The following RAPGEF1 variants were observed in gnomAD, a reference collection of about 807,000 sequenced individuals.
The protein encoded by RAPGEF1 is Rap guanine nucleotide exchange factor 1.
RAPGEF1 carries 33 observed loss-of-function variants against 143.3 expected under a neutral mutation model. That is an observed-to-expected ratio of 0.23 (90% CI 0.17 to 0.31). The LOEUF (loss-of-function observed/expected upper bound fraction) is 0.31, where lower values mean the gene tolerates loss of function less well. RAPGEF1 is among the 10% of genes least tolerant of loss of function. The pLI, the probability that RAPGEF1 is intolerant of heterozygous loss-of-function variation, is 1.00. For missense variants in RAPGEF1, 1,199 were observed against 1,645.4 expected (o/e 0.73, Z 4.69); for synonymous variants, 629 against 676.5 (o/e 0.93, Z 1.09).
At chr9:131,666,042 G>A (rs1216378347) in intron 1 of RAPGEF1, among the ~76,000 whole-genome samples, 2 of 152,206 alleles carry the variant, frequency 1.3e-5, no homozygotes, top group Non-Finnish European at 2.9e-5. Flanking sequence ...TAGCAAACAC[G>A]CAGATAAAAG....
chr9:131,726,400 G>A lies in RAPGEF1; in HGVS notation c.61+13370C>T, dbSNP rs140610722. Among the ~76,000 whole-genome samples, 18 of 152,200 alleles carry A rather than the reference G, an allele frequency of 1.2e-4. No homozygotes were observed. In the East Asian group the frequency reaches 3.5e-3, roughly 30 times the overall value. ...TCACCACTTTGGGAGGCTGAGGCGG[G>A]CAGATCACTTGAGGCCATGCATTCG... is the stretch of plus-strand genomic sequence containing the variant. On this transcript the variant is annotated intron_variant, in intron 1 of 26. Transcript: ENST00000683357.
chr9:131,712,209 T>G (rs1437057143), intron 1 of RAPGEF1, among the ~76,000 whole-genome samples: 1 of 152,106 alleles, frequency 6.6e-6, no homozygotes, highest in Non-Finnish European at 1.5e-5. Flanking sequence ...CAAACTGGAA[T>G]AAAGCACAGG....
intron 1 of RAPGEF1, among the ~76,000 whole-genome samples, chr9:131,730,617 C>T (rs1406664920): frequency 7.2e-6 from 1 of 137,976 alleles, no homozygotes; most frequent in Non-Finnish European, 1.5e-5. Context: ...ATTGCTTGAA[C>T]CTGGGAGGGG....
rs1951519414 is a variant in RAPGEF1, at chr9:131,579,436, T to C, written c.*61A>G. 3 of 1,583,482 alleles carry C rather than the reference T, an allele frequency of 1.9e-6. No individual in the cohort carries two copies. The highest frequency in any genetic ancestry group is 1.2e-5 in the South Asian group (1 of 86,826). ...TGCGCCTAACAGGTCCAAGGTCCTC[T>C]CCGGTCTGGGAGCTGCCCTCTGCGC... On this transcript the variant is annotated 3_prime_UTR_variant, in exon 27 of 27. Coordinates refer to ENST00000683357, the MANE Select transcript of RAPGEF1 (RefSeq NM_001377935.1).
intron 15 of RAPGEF1, among the ~76,000 whole-genome samples, chr9:131,601,356 TC>T (rs1222579395): frequency 1.3e-5 from 2 of 152,094 alleles, no homozygotes; most frequent in African/African-American, 4.8e-5. Context: ...GGAGGGGGTG[TC>T]TTTTACACTC....
intron 12 of RAPGEF1, among the ~76,000 whole-genome samples, chr9:131,610,725 T>C (rs1393844861): frequency 6.6e-6 from 1 of 152,262 alleles, no homozygotes; most frequent in Admixed American, 6.5e-5. Context: ...AGAGCACATA[T>C]GTCCTTCAAC....
At chr9:131,700,571 GATGA>G (rs1834556001) in intron 1 of RAPGEF1, among the ~76,000 whole-genome samples, 1 of 152,200 alleles carries the variant, frequency 6.6e-6, no homozygotes, top group African/African-American at 2.4e-5. Context: ...ACATTTGTTG[GATGA>G]ATGAACATCC....
Position 131,629,398 on chromosome 9 carries a change from C to G in RAPGEF1, c.741-144G>C, listed in dbSNP as rs1430807183. 1.3e-5 allele frequency: 11 copies of G among 839,922 alleles called. No individual in the cohort carries two copies. In the East Asian group the frequency reaches 2.6e-4, roughly 20 times the overall value. The allele number at this position is 839,922 out of a possible 1,614,324, so 52.0% of individuals were successfully genotyped here. A position where few individuals can be genotyped will look rare whatever the true frequency, so the allele number is the denominator to read the frequency against. On this transcript the variant is annotated intron_variant, in intron 6 of 26. Coordinates refer to ENST00000683357, the MANE Select transcript of RAPGEF1 (RefSeq NM_001377935.1). ...GAGCAGGCTCCCTGGATATAGAACC[C>G]TGGGGTTCTGGTTTGGTTGCTAATG...
intron 1 of RAPGEF1, among the ~76,000 whole-genome samples, chr9:131,706,746 T>C (rs2131171067): frequency 6.6e-6 from 1 of 152,352 alleles, no homozygotes; most frequent in South Asian, 2.1e-4. Flanking sequence ...CCTTCTGAGA[T>C]GGACTTTGGA....
chr9:131,723,460 C>A (rs960850768), intron 1 of RAPGEF1, among the ~76,000 whole-genome samples: 4 of 152,198 alleles, frequency 2.6e-5, no homozygotes, highest in African/African-American at 9.7e-5. Context: ...CTGGCAGCCA[C>A]CTCAGCGCCT....
chr9:131,631,703 CAGCGTAT>C (rs1331116179), intron 5 of RAPGEF1, among the ~76,000 whole-genome samples: 3 of 152,382 alleles, frequency 2.0e-5, no homozygotes, highest in African/African-American at 7.2e-5. Context: ...ACAAAAAAGG[CAGCGTAT>C]GCTGCAAATA....
intron 1 of RAPGEF1, among the ~76,000 whole-genome samples, chr9:131,724,275 G>A (rs1027078165): frequency 6.6e-6 from 1 of 152,144 alleles, no homozygotes; most frequent in African/African-American, 2.4e-5. Context: ...ATACGAAGTA[G>A]CAGACTGCCC....
At chr9:131,673,860 C>G (rs1831820431) in intron 1 of RAPGEF1, among the ~76,000 whole-genome samples, 1 of 152,184 alleles carries the variant, frequency 6.6e-6, no homozygotes, top group Non-Finnish European at 1.5e-5. Flanking sequence ...CCTCTGTTTC[C>G]TAAAAGACGG....
At chr9:131,658,641 T>C (rs1021582230) in intron 1 of RAPGEF1, among the ~76,000 whole-genome samples, 2 of 152,192 alleles carry the variant, frequency 1.3e-5, no homozygotes. Context: ...GTCGGATGAA[T>C]GTCCTTCTCT....
In RAPGEF1 at chr9:131,598,203, T is replaced by C. The variant is rs754152078; in HGVS notation, c.2609A>G (p.Gln870Arg). 2.2e-5 allele frequency: 36 copies of C among 1,613,738 alleles called. No homozygotes were observed. The highest frequency in any genetic ancestry group is 3.3e-5 in the South Asian group (3 of 91,066). ...CCCAGCCCGGGAAGTTCTCACCTCC[T>C]GCTTGAGCGTCAGCCTGGACATAAT... is the stretch of plus-strand genomic sequence containing the variant. ...NEIMSRLTLK[Q>R]EGDDGPDVRG... Residue 870 changes from glutamine to arginine, a missense_variant, in exon 16 of 27, where the codon CAG (glutamine) becomes CGG (arginine). Physicochemically the swap from Gln to Arg is conservative, Grantham distance 43. This residue lies in a region of RAPGEF1 where 209 missense variants were observed against 403.0 expected (regional missense o/e 0.52). Coordinates refer to ENST00000683357, the MANE Select transcript of RAPGEF1 (RefSeq NM_001377935.1).
intron 1 of RAPGEF1, among the ~76,000 whole-genome samples, chr9:131,738,650 C>T (rs1348615624): frequency 6.6e-6 from 1 of 152,230 alleles, no homozygotes; most frequent in African/African-American, 2.4e-5. Flanking sequence ...TTCTTTCCCA[C>T]AGACTAGCTT....
At chr9:131,582,029 C>A (rs1951937065) in intron 25 of RAPGEF1, among the ~76,000 whole-genome samples, 2 of 152,204 alleles carry the variant, frequency 1.3e-5, no homozygotes, top group South Asian at 4.1e-4. Context: ...ACTAAAGGCT[C>A]TCGTAAGTCC....
chr9:131,690,798 A>T (rs1833732506), intron 1 of RAPGEF1, among the ~76,000 whole-genome samples: 6 of 152,222 alleles, frequency 3.9e-5, no homozygotes, highest in Admixed American at 3.9e-4. Context: ...TCTCAAAAAA[A>T]TAAATAAATA....
intron 25 of RAPGEF1, among the ~76,000 whole-genome samples, chr9:131,580,666 A>C (rs1951729295): frequency 6.6e-6 from 1 of 152,200 alleles, no homozygotes; most frequent in Admixed American, 6.5e-5. Flanking sequence ...ATAAGGGCGA[A>C]GCTGTGGGCT....
Sources: allele counts gnomAD v4.1 joint callset (sites outside exome capture counted in the v4.1 genomes callset), GRCh38; gene constraint gnomAD v4.1.1; regional missense constraint gnomAD v4.1.1; transcripts MANE v1.5; gene names NCBI Gene and HGNC (gene_info 2026-07-23, HGNC 2026-07-21).